The following PCSK9 variants were observed in gnomAD, a reference collection of about 807,000 sequenced individuals.
PCSK9 encodes convertase subtilisin/kexin type 9 preproprotein.
Under a neutral mutation model 62.1 loss-of-function variants are expected in PCSK9, and 57 were observed. That is an observed-to-expected ratio of 0.92 (90% CI 0.74 to 1.14). The LOEUF is 1.14. PCSK9 is among the 50% of genes most tolerant of loss of function. The pLI, the probability that PCSK9 is intolerant of heterozygous loss-of-function variation, is 0.00. For missense variants in PCSK9, 870 were observed against 959.8 expected (o/e 0.91, Z 1.24); for synonymous variants, 387 against 409.4 (o/e 0.95, Z 0.66).
At chr1:55,048,448 G>A (rs1306480654) in intron 3 of PCSK9, among the ~76,000 whole-genome samples, 1 of 152,216 alleles carries the variant, frequency 6.6e-6, no homozygotes, top group Non-Finnish European at 1.5e-5. Context: ...AGAAGCAGAC[G>A]TGGGGCCCTT....
chr1:55,049,231 C>T (rs112306654), intron 3 of PCSK9, among the ~76,000 whole-genome samples: 3,540 of 152,256 alleles, frequency 0.023, 116 homozygotes, highest in African/African-American at 0.08. Flanking sequence ...GTGGAATGAA[C>T]GTGGATTGAA....
At chr1:55,041,286 T>C (rs1285721854) in intron 1 of PCSK9, among the ~76,000 whole-genome samples, 1 of 152,216 alleles carries the variant, frequency 6.6e-6, no homozygotes, top group Non-Finnish European at 1.5e-5. Flanking sequence ...CTGCCCACGC[T>C]TCTGTCTGAG....
Position 55,058,487 on chromosome 1 carries a change from C to T in PCSK9, c.1355-12C>T, listed in dbSNP as rs28362267. On this transcript the variant is annotated splice_polypyrimidine_tract_variant and intron_variant, in intron 8 of 11. Coordinates refer to ENST00000302118, the MANE Select transcript of PCSK9 (RefSeq NM_174936.4). ...CCCAGCACCCCCTCCTCATCCCAGG[C>T]CCTTTTTGCAGGTTGGCAGCTGTTT... The T allele has an allele frequency of 5.0e-5, 80 of 1,612,104 alleles. No individual in the cohort carries two copies. Among genetic ancestry groups the T allele is most frequent in the Non-Finnish European group, 6.1e-5 (72 of 1,180,040 alleles).
chr1:55,051,032 C>T (rs958964754), intron 3 of PCSK9: 1 of 413,736 alleles, frequency 2.4e-6, no homozygotes, highest in Non-Finnish European at 4.8e-6. Flanking sequence ...CCAGGGAACA[C>T]CAGCAGCCAC....
intron 3 of PCSK9, 49 bp from the exon 4 acceptor site, chr1:55,052,229 T>C: frequency 6.2e-7 from 1 of 1,612,912 alleles, no homozygotes; most frequent in South Asian, 1.1e-5. Context: ...AACTATAAGG[T>C]TGACTTTATG....
chr1:55,039,647 G>A lies in PCSK9; in HGVS notation c.-191G>A. 1 of 679,530 alleles carries A rather than the reference G, an allele frequency of 1.5e-6. No individual in the cohort carries two copies. The highest frequency in any genetic ancestry group is 2.5e-6 in the Non-Finnish European group (1 of 403,784). 42.1% of individuals were successfully genotyped at this position (679,530 alleles called of 1,614,324 possible). ...CAGGCAGTGAGACTGGCTCGGGCGG[G>A]CCGGGACGCGTCGTTGCAGCAGCGG... is the stretch of plus-strand genomic sequence containing the variant. On this transcript the variant is annotated 5_prime_UTR_variant, in exon 1 of 12. Coordinates refer to ENST00000302118, the MANE Select transcript of PCSK9 (RefSeq NM_174936.4).
rs775522541 is a variant in PCSK9 at position 55,058,090 on chromosome 1, G to A, written c.1235G>A (p.Arg412Lys). 3.1e-6 allele frequency: 5 copies of A among 1,613,756 alleles called. No individual in the cohort carries two copies. Among genetic ancestry groups the A allele is most frequent in the Middle Eastern group, 1.6e-4 (1 of 6,062 alleles). ...CCGGAGCTCACCCTGGCCGAGTTGA[G>A]GCAGAGACTGATCCACTTCTCTGCC... ...AEPELTLAEL[R>K]QRLIHFSAKD... The change falls in exon 8 of 12, where the codon AGG becomes AAG. Residue 412 changes from arginine (R) to lysine (K), a missense_variant. Coordinates refer to ENST00000302118, the MANE Select transcript of PCSK9 (RefSeq NM_174936.4).
At position 55,059,588 on chromosome 1, in the gene PCSK9, G is replaced by A. The variant is rs776367625; in HGVS notation, c.1606G>A (p.Val536Ile). The change falls in exon 10 of 12, where the codon GTC (valine) becomes ATC (isoleucine). Residue 536 changes from valine (V) to isoleucine (I), a missense_variant. Val to Ile is a conservative substitution (Grantham distance 29). Transcript: ENST00000302118. ...CCTGCTACCCCAGGCCAACTGCAGC[G>A]TCCACACAGCTCCACCAGCTGAGGC... ...CCLLPQANCS[V>I]HTAPPAEASM... 4.5e-5 allele frequency: 70 copies of A among 1,553,462 alleles called. 1 individual carries two copies. In the South Asian group the frequency reaches 6.2e-4, roughly 14 times the overall value.
rs2100320685 is a variant in PCSK9, at chr1:55,057,449, C to T, written c.1115C>T (p.Ser372Phe). The change falls in exon 7 of 12, where the codon TCC becomes TTC. Residue 372 changes from serine to phenylalanine, a missense_variant. Transcript: ENST00000302118. ...CCAGGGGAGGACATCATTGGTGCCT[C>T]CAGCGACTGCAGCACCTGCTTTGTG... ...FAPGEDIIGA[S>F]SDCSTCFVSQ... 1.2e-6 allele frequency: 2 copies of T among 1,614,092 alleles called. No homozygotes were observed. Among genetic ancestry groups the T allele is most frequent in the South Asian group, 2.2e-5 (2 of 91,080 alleles).
chr1:55,046,818 C>T (rs1325811274), intron 3 of PCSK9, among the ~76,000 whole-genome samples, 172 bp downstream of exon 3: 14 of 152,156 alleles, frequency 9.2e-5, no homozygotes, highest in African/African-American at 3.4e-4. Flanking sequence ...CCCCCACTGC[C>T]TGCCTTCCTG....
rs568792707 is a variant in PCSK9 at position 55,051,665 on chromosome 1, G to C, written c.524-613G>C. The C allele has an allele frequency of 2.0e-4, 43 of 214,738 alleles. No homozygotes were observed. In the South Asian group the frequency reaches 2.7e-3, roughly 14 times the overall value. The allele number at this position is 214,738 out of a possible 1,614,324, so 13.3% of individuals were successfully genotyped here. ...TCCAGTTAGGGATGATAAAGTGTAG[G>C]GTAGGCGCTCGGTGACTGTTTTCTC... On this transcript the variant is annotated intron_variant, in intron 3 of 11. Coordinates refer to ENST00000302118, the MANE Select transcript of PCSK9 (RefSeq NM_174936.4).
At chr1:55,058,401 G>A (rs1245893890) in intron 8 of PCSK9, 98 bp from the exon 9 acceptor site, 18 of 1,577,148 alleles carry the variant, frequency 1.1e-5, no homozygotes, top group Non-Finnish European at 1.5e-5. Context: ...AGTTGAGTAT[G>A]TTCTTTAAGC....
At position 55,040,657 on chromosome 1, in the gene PCSK9, C is replaced by T. The variant is rs1644592267; in HGVS notation, c.207+613C>T. 6.6e-6 allele frequency among the ~76,000 whole-genome samples: 1 copy of T among 152,180 alleles called. No homozygotes were observed. Among genetic ancestry groups the T allele is most frequent in the South Asian group, 2.1e-4 (1 of 4,828 alleles). The stretch of plus-strand genomic sequence containing the variant: ...CATCTGTTTCAGCCGAAGAAAAGAA[C>T]CAGCTGAAGGGGCAGGGGAGAAGGG... On this transcript the variant is annotated intron_variant, in intron 1 of 11. Coordinates refer to ENST00000302118, the MANE Select transcript of PCSK9 (RefSeq NM_174936.4). This position sits in a 1 kb window ranked among gnomAD's most constrained non-coding sequence, Gnocchi z 4.1.
chr1:55,048,808 G>T (rs577879799), intron 3 of PCSK9, among the ~76,000 whole-genome samples: 21 of 152,342 alleles, frequency 1.4e-4, no homozygotes, highest in African/African-American at 4.8e-4. Context: ...TCACTCTGGG[G>T]GGCTGTTTGG....
intron 3 of PCSK9, 96 bp downstream of exon 3, chr1:55,046,742 G>C: frequency 6.9e-7 from 1 of 1,457,964 alleles, no homozygotes. Context: ...TCCACTTCTC[G>C]GGGGGCTTTG....
In PCSK9 at chr1:55,052,676, C is replaced by G; in HGVS notation, c.684C>G (p.Thr228=). 6.2e-7 allele frequency: 1 copy of G among 1,613,156 alleles called. No homozygotes were observed. Among genetic ancestry groups the G allele is most frequent in the South Asian group, 1.1e-5 (1 of 91,030 alleles). Residue 228 remains threonine, a synonymous_variant, in exon 5 of 12, where the codon ACC becomes ACG. Coordinates refer to ENST00000302118, the MANE Select transcript of PCSK9 (RefSeq NM_174936.4). ...CCAGCAAGTGTGACAGTCATGGCACCCACCTGGCAGGGGTGGTCAGCGGCC... is the reference window on the plus strand; with the variant it reads ...CCAGCAAGTGTGACAGTCATGGCACGCACCTGGCAGGGGTGGTCAGCGGCC... The part of the protein sequence containing the change: ...RQASKCDSHG[T]HLAGVVSGRD...
In PCSK9 at chr1:55,058,896, G is replaced by A. The variant is rs549554303; in HGVS notation, c.1503+249G>A. Among the ~76,000 whole-genome samples, 4 of 152,328 alleles carry A rather than the reference G, an allele frequency of 2.6e-5. No homozygotes were observed. In the East Asian group the frequency reaches 7.7e-4, roughly 30 times the overall value. ...TCCTAGAGGCTGCAGGACAGTGCTG[G>A]ATGGATTTTCAATGCTCACCTGGGT... On this transcript the variant is annotated intron_variant, in intron 9 of 11. Transcript: ENST00000302118.
intron 10 of PCSK9, among the ~76,000 whole-genome samples, chr1:55,060,908 G>A (rs1463201799): frequency 1.3e-5 from 2 of 152,196 alleles, no homozygotes; most frequent in Non-Finnish European, 2.9e-5. Context: ...AGTAAACAGA[G>A]CCTCAGTGTA....
Position 55,063,704 on chromosome 1 carries a change from T to TC in PCSK9, c.*122dup. On this transcript the variant is annotated 3_prime_UTR_variant, in exon 12 of 12. Coordinates refer to ENST00000302118, the MANE Select transcript of PCSK9 (RefSeq NM_174936.4). ...CCTGGCACGAGGGGATGGGGATGCT[T>TC]CCGCCTTTCCGGGGCTGCTGGCCTG... The TC allele has an allele frequency of 8.3e-7, 1 of 1,210,662 alleles. No homozygotes were observed. The highest frequency in any genetic ancestry group is 1.1e-6 in the Non-Finnish European group (1 of 882,952). 75.0% of individuals were successfully genotyped at this position (1,210,662 alleles called of 1,614,324 possible).
Sources: gnomAD v4.1 joint callset for allele counts (sites outside exome capture counted in the v4.1 genomes callset) on GRCh38, gnomAD v4.1.1 for gene constraint, Gnocchi (gnomAD v3.1) non-coding constraint, MANE v1.5 for transcripts, NCBI Gene and HGNC (gene_info 2026-07-23, HGNC 2026-07-21) for gene names.